Variants in NDUFB9 observed in about 807,000 individuals in gnomAD.
The protein encoded by NDUFB9 is NADH:ubiquinone oxidoreductase subunit B9, also known as NADH dehydrogenase [ubiquinone] 1 beta subcomplex subunit 9.
A neutral mutation model predicts 30.2 loss-of-function variants in NDUFB9; 24 were observed. The observed-to-expected ratio is 0.80, with a 90% CI of 0.58 to 1.12. The LOEUF is 1.12. Ranked by LOEUF, NDUFB9 falls within the 50% of genes most tolerant of loss-of-function variation. NDUFB9 has a pLI of 0.00. For missense variants in NDUFB9, 204 were observed against 226.0 expected (o/e 0.90, Z 0.62); for synonymous variants, 80 against 84.0 (o/e 0.95, Z 0.26).
chr8:124,543,422 AT>A, intron 2 of NDUFB9, 143 bp downstream of exon 2: 1 of 797,758 alleles, frequency 1.3e-6, no homozygotes, highest in Non-Finnish European at 2.0e-6. Flanking sequence ...GGCCTACCTC[AT>A]TTTATTGCAT....
chr8:124,546,866 G>A (rs988436136), intron 2 of NDUFB9, 134 bp from the exon 3 acceptor site: 2 of 766,538 alleles, frequency 2.6e-6, no homozygotes, highest in Non-Finnish European at 2.4e-6. Flanking sequence ...CTTGCTTAGA[G>A]TTAGAAACAG....
At chr8:124,543,602 T>C (rs149395089) in intron 2 of NDUFB9, among the ~76,000 whole-genome samples, 45 of 151,716 alleles carry the variant, frequency 3.0e-4, no homozygotes, top group African/African-American at 8.0e-4. Context: ...TTTTTTATTA[T>C]TACTCTATCT....
intron 1 of NDUFB9, among the ~76,000 whole-genome samples, chr8:124,542,035 C>T (rs1197518050): frequency 1.3e-5 from 2 of 151,220 alleles, no homozygotes; most frequent in Non-Finnish European, 2.9e-5. Flanking sequence ...CCTGCCTTGG[C>T]CCCCAGAGTA....
At chr8:124,542,833 A>G in intron 1 of NDUFB9, 1 of 223,574 alleles carries the variant, frequency 4.5e-6, no homozygotes, top group Non-Finnish European at 8.5e-6. Context: ...TTTTTTGTTT[A>G]AATCCTCATT....
At chr8:124,549,124 C>T (rs1306101404) in intron 3 of NDUFB9, among the ~76,000 whole-genome samples, 1 of 152,204 alleles carries the variant, frequency 6.6e-6, no homozygotes, top group Non-Finnish European at 1.5e-5. Flanking sequence ...ATCACTTCAA[C>T]ACTATTAAGC....
Position 124,539,166 on chromosome 8 carries a change from C to T in NDUFB9, c.-21C>T. ...TGCAGTTTCCCGGCTCTCCGCGCGG[C>T]CGGGGAAGGTCAGCGCCGTAATGGC... On this transcript the variant is annotated 5_prime_UTR_variant, in exon 1 of 4. Coordinates refer to ENST00000276689, the MANE Select transcript of NDUFB9 (RefSeq NM_005005.3). 1 of 1,613,876 alleles carries T rather than the reference C, an allele frequency of 6.2e-7. No individual in the cohort carries two copies. The highest frequency in any genetic ancestry group is 8.5e-7 in the Non-Finnish European group (1 of 1,179,742).
At chr8:124,546,149 T>C (rs746768200) in intron 2 of NDUFB9, among the ~76,000 whole-genome samples, 5 of 152,230 alleles carry the variant, frequency 3.3e-5, no homozygotes, top group Non-Finnish European at 5.9e-5. Context: ...GCCTAAATTA[T>C]GTACATTTTT....
At chr8:124,541,996 A>G (rs376156935) in intron 1 of NDUFB9, among the ~76,000 whole-genome samples, 4 of 149,590 alleles carry the variant, frequency 2.7e-5, no homozygotes, top group Non-Finnish European at 5.9e-5. Context: ...ACTCACTGCA[A>G]CCTCTGCCTC....
chr8:124,542,432 C>T lies in NDUFB9; in HGVS notation c.102-655C>T, dbSNP rs562183069. ...AGGCCCATACAGTCTGACTGGAGAG[C>T]CTATTCTCATAACTTGGAAGTCTCA... On this transcript the variant is annotated intron_variant, in intron 1 of 3. Transcript: ENST00000276689. 1.2e-4 allele frequency among the ~76,000 whole-genome samples: 19 copies of T among 152,298 alleles called. No homozygotes were observed. The South Asian group carries it at 3.9e-3, about 32-fold the overall frequency.
In NDUFB9 at chr8:124,543,274, T is replaced by C. The variant is rs1292438365; in HGVS notation, c.289T>C (p.Tyr97His). Residue 97 changes from tyrosine to histidine, a missense_variant, in exon 2 of 4, where the codon TAC becomes CAC. Physicochemically the swap from Tyr to His is moderately conservative, Grantham distance 83. Transcript: ENST00000276689. ...CACCTCCTATGAGAGATACGATTGC[T>C]ACAAGGTAGGTGAGAATTATGATGA... The part of the protein sequence containing the change: ...GGTSYERYDC[Y>H]KVPEWCLDDW... 1.2e-6 allele frequency: 2 copies of C among 1,613,314 alleles called. No individual in the cohort carries two copies. Among genetic ancestry groups the C allele is most frequent in the Non-Finnish European group, 8.5e-7 (1 of 1,179,378 alleles).
At chr8:124,539,359 A>G in intron 1 of NDUFB9, 72 bp downstream of exon 1, 11 of 1,359,988 alleles carry the variant, frequency 8.1e-6, no homozygotes, top group Non-Finnish European at 1.2e-5. Flanking sequence ...GCCCCTGGGT[A>G]CCTGGAGGTT....
chr8:124,543,316 A>C, intron 2 of NDUFB9, 37 bp downstream of exon 2: 1 of 1,594,420 alleles, frequency 6.3e-7, no homozygotes, highest in African/African-American at 1.3e-5. Flanking sequence ...TCTGAGAAAT[A>C]GACTTTGTTT....
intron 1 of NDUFB9, 168 bp downstream of exon 1, chr8:124,539,455 A>G (rs930840933): frequency 7.6e-6 from 5 of 654,724 alleles, no homozygotes; most frequent in Non-Finnish European, 1.1e-5. Flanking sequence ...AGGCTTCGCC[A>G]CTTATGGCCG....
intron 2 of NDUFB9, among the ~76,000 whole-genome samples, chr8:124,546,466 T>C (rs1471722740): frequency 6.6e-6 from 1 of 152,222 alleles, no homozygotes; most frequent in East Asian, 1.9e-4. Flanking sequence ...TATTGTGATA[T>C]TTGCTATATT....
rs553935278 is a variant in NDUFB9, at chr8:124,544,170, G to A, written c.294+891G>A. Among the ~76,000 whole-genome samples the A allele has an allele frequency of 9.1e-4, 139 of 152,338 alleles. 1 individual carries two copies. Among genetic ancestry groups the A allele is most frequent in the African/African-American group, 3.3e-3 (138 of 41,580 alleles). On this transcript the variant is annotated intron_variant, in intron 2 of 3. Transcript: ENST00000276689. Reference sequence around the variant, plus strand: ...AGCCACGACATTCCCTTAAGCCAAAGCCTAATCCAAAGCAAGTCTTTAACT... The same window carrying A: ...AGCCACGACATTCCCTTAAGCCAAAACCTAATCCAAAGCAAGTCTTTAACT...
chr8:124,546,897 T>C, intron 2 of NDUFB9, 103 bp from the exon 3 acceptor site: 1 of 850,932 alleles, frequency 1.2e-6, no homozygotes, highest in Non-Finnish European at 2.0e-6. Context: ...GCAGTGGTTA[T>C]AAAAATATAT....
chr8:124,539,327 G>T (rs367941397), intron 1 of NDUFB9, 40 bp downstream of exon 1: 1 of 1,601,720 alleles, frequency 6.2e-7, no homozygotes, highest in Non-Finnish European at 8.6e-7. Flanking sequence ...GGTGACCCTC[G>T]GGGCCCCATG....
In NDUFB9 at chr8:124,543,201, G is replaced by C; in HGVS notation, c.216G>C (p.Trp72Cys). The change falls in exon 2 of 4, where the codon TGG becomes TGC. Residue 72 changes from tryptophan to cysteine, a missense_variant. Trp to Cys is a radical substitution (Grantham distance 215). Coordinates refer to ENST00000276689, the MANE Select transcript of NDUFB9 (RefSeq NM_005005.3). ...QLLKEAEEEF[W>C]YRQHPQPYIF... is the part of the protein sequence containing the mutation. ...TGAAGGAGGCCGAGGAAGAATTCTG[G>C]TACCGTCAGCATCCACAGCCATACA... 1 of 1,614,236 alleles carries C rather than the reference G, an allele frequency of 6.2e-7. No individual in the cohort carries two copies. The highest frequency in any genetic ancestry group is 8.5e-7 in the Non-Finnish European group (1 of 1,180,040).
At chr8:124,546,906 A>G in intron 2 of NDUFB9, 94 bp from the exon 3 acceptor site, 3 of 871,982 alleles carry the variant, frequency 3.4e-6, no homozygotes, top group Non-Finnish European at 5.9e-6. Flanking sequence ...ATAAAAATAT[A>G]TCTTGATCTT....
Sources: gnomAD v4.1 joint callset for allele counts (sites outside exome capture counted in the v4.1 genomes callset) on GRCh38, gnomAD v4.1.1 for gene constraint, MANE v1.5 for transcripts, NCBI Gene and HGNC (gene_info 2026-07-23, HGNC 2026-07-21) for gene names.